Variants in PLP1 observed in about 807,000 individuals in gnomAD.
PLP1 encodes the protein proteolipid protein 1.
Under a neutral mutation model 18.5 loss-of-function variants are expected in PLP1, and 2 were observed. The observed-to-expected ratio is 0.11, with a 90% CI of 0.04 to 0.34. The LOEUF (loss-of-function observed/expected upper bound fraction) is 0.34, where lower values mean the gene tolerates loss of function less well. Ranked by LOEUF, PLP1 falls within the 10% of genes least tolerant of loss-of-function variation. PLP1 has a pLI of 1.00. For missense variants in PLP1, 105 were observed against 207.3 expected (o/e 0.51, Z 3.03); for synonymous variants, 86 against 83.2 (o/e 1.03, Z -0.19).
chrX:103,779,704 A>G (rs916625375), intron 1 of PLP1: 1 of 111,915 alleles, frequency 8.9e-6, no homozygotes, highest in African/African-American at 3.3e-5. Context: ...GACAACTGGA[A>G]CTGCTCTCTC....
At chrX:103,788,042 A>G (rs2074513476) in intron 4 of PLP1, 76 bp downstream of exon 4, 7 of 826,964 alleles carry the variant, frequency 8.5e-6, no homozygotes, top group Non-Finnish European at 1.3e-5. Context: ...TTCTTAGTGT[A>G]AGGAGGGTGG....
At chrX:103,783,463 C>T (rs1038999001) in intron 1 of PLP1, among the ~76,000 whole-genome samples, 5 of 112,159 alleles carry the variant, frequency 4.5e-5, no homozygotes, top group Non-Finnish European at 7.5e-5. Context: ...GCTTCTGAGG[C>T]TCATCTTTGG....
chrX:103,783,502 G>T (rs1043154005), intron 1 of PLP1, among the ~76,000 whole-genome samples: 1 of 112,431 alleles, frequency 8.9e-6, no homozygotes, highest in Non-Finnish European at 1.9e-5. Context: ...CCAAGAAAGG[G>T]CTGTCATTTC....
In PLP1 at chrX:103,784,969, C is replaced by T. The variant is rs2074482331; in HGVS notation, c.5-613C>T. On this transcript the variant is annotated intron_variant, in intron 1 of 6. Coordinates refer to ENST00000621218, the MANE Select transcript of PLP1 (RefSeq NM_000533.5). ...GACTAGAACAATAAGAAAGAAGGGA[C>T]TGATTTCATAATCTCTCTGGCTTGC... is the stretch of plus-strand genomic sequence containing the variant. 3.6e-5 allele frequency among the ~76,000 whole-genome samples: 4 copies of T among 112,286 alleles called. No homozygotes were observed. In the South Asian group the frequency reaches 1.1e-3, roughly 31 times the overall value.
At chrX:103,785,978 C>A in intron 2 of PLP1, 1 of 434,052 alleles carries the variant, frequency 2.3e-6, no homozygotes, top group Non-Finnish European at 4.0e-6. Context: ...GTCAGCCCCT[C>A]CCACCCCCGC....
rs17003883 is a variant in PLP1 at position 103,781,155 on chromosome X, T to C, written c.4+4156T>C. On this transcript the variant is annotated intron_variant, in intron 1 of 6. Coordinates refer to ENST00000621218, the MANE Select transcript of PLP1 (RefSeq NM_000533.5). ...CCCTTCCTCTCCTTCCTTTGATGAGTTCCCAGATTCACACTGAATTTCCAT... is the reference window on the plus strand; with the variant it reads ...CCCTTCCTCTCCTTCCTTTGATGAGCTCCCAGATTCACACTGAATTTCCAT... 1,556 of 242,984 alleles carry C rather than the reference T, an allele frequency of 6.4e-3. 30 individuals carry two copies. The highest frequency in any genetic ancestry group is 0.042 in the African/African-American group (1,467 of 35,138). 20.0% of individuals were successfully genotyped at this position (242,984 alleles called of 1,213,427 possible).
At chrX:103,788,736 C>T (rs1834675876) in intron 5 of PLP1, 1 of 418,518 alleles carries the variant, frequency 2.4e-6, no homozygotes, top group Non-Finnish European at 4.2e-6. Context: ...CAACCCTTCC[C>T]CTCTTAAAAG....
chrX:103,781,201 C>A (rs182240913), intron 1 of PLP1: 6 of 261,315 alleles, frequency 2.3e-5, no homozygotes, highest in Non-Finnish European at 4.6e-5. Context: ...GTCCTTGAGG[C>A]GGGCCCAGGG....
rs751404730 is a variant in PLP1, at chrX:103,786,558, C to T, written c.285C>T (p.Gly95=). Reference sequence around the variant, plus strand: ...TGGCTGAGGGCTTCTACACCACCGGCGCAGTCAGGCAGATCTTTGGCGACT... The same window carrying T: ...TGGCTGAGGGCTTCTACACCACCGGTGCAGTCAGGCAGATCTTTGGCGACT... The part of the protein sequence containing the change: ...LLLAEGFYTT[G]AVRQIFGDYK... The change falls in exon 3 of 7, where the codon GGC becomes GGT. Residue 95 remains glycine, a synonymous_variant. Coordinates refer to ENST00000621218, the MANE Select transcript of PLP1 (RefSeq NM_000533.5). 4.1e-6 allele frequency: 5 copies of T among 1,211,396 alleles called. No homozygotes were observed. Among genetic ancestry groups the T allele is most frequent in the Admixed American group, 2.2e-5 (1 of 46,005 alleles).
In PLP1 at chrX:103,791,935, T is replaced by C. The variant is rs777974518; in HGVS notation, c.*1337T>C. The C allele has an allele frequency of 1.8e-5, 2 of 112,314 alleles. No homozygotes were observed. Among genetic ancestry groups the C allele is most frequent in the Admixed American group, 9.4e-5 (1 of 10,606 alleles). 9.3% of individuals were successfully genotyped at this position (112,314 alleles called of 1,213,427 possible). Reference sequence around the variant, plus strand: ...AATGATTTTACTTAGCAATGTTATCTTGGTGTGTTAAGAGTTAGGTTTAAC... The same window carrying C: ...AATGATTTTACTTAGCAATGTTATCCTGGTGTGTTAAGAGTTAGGTTTAAC... On this transcript the variant is annotated 3_prime_UTR_variant, in exon 7 of 7. Transcript: ENST00000621218.
intron 3 of PLP1, chrX:103,787,473 A>G (rs2074506721): frequency 2.9e-6 from 1 of 348,969 alleles, no homozygotes; most frequent in Non-Finnish European, 5.1e-6. Context: ...AAGGCACAAA[A>G]TGGCACGACT....
Position 103,791,245 on chromosome X carries a change from C to T in PLP1, c.*647C>T, listed in dbSNP as rs1268691086. ...CTACTGAAGCCCTAACTCAGCCAAC[C>T]TTACTTACAGCATAAGGGAGCGTAG... On this transcript the variant is annotated 3_prime_UTR_variant, in exon 7 of 7. Coordinates refer to ENST00000621218, the MANE Select transcript of PLP1 (RefSeq NM_000533.5). 2 of 115,185 alleles carry T rather than the reference C, an allele frequency of 1.7e-5. No individual in the cohort carries two copies. Among genetic ancestry groups the T allele is most frequent in the Non-Finnish European group, 3.6e-5 (2 of 54,963 alleles). 9.5% of individuals were successfully genotyped at this position (115,185 alleles called of 1,213,427 possible).
In PLP1 at chrX:103,790,629, G is replaced by A. The variant is rs957192509; in HGVS notation, c.*31G>A. 16 of 1,074,066 alleles carry A rather than the reference G, an allele frequency of 1.5e-5. No homozygotes were observed. The highest frequency in any genetic ancestry group is 1.9e-5 in the South Asian group (1 of 53,986). 88.5% of individuals were successfully genotyped at this position (1,074,066 alleles called of 1,213,427 possible). On this transcript the variant is annotated 3_prime_UTR_variant, in exon 7 of 7. Coordinates refer to ENST00000621218, the MANE Select transcript of PLP1 (RefSeq NM_000533.5). ...CGTAGAAATCCCCCTTTCTCTAATA[G>A]CGAGGCTCTAACCACACAGCCTACA...
At chrX:103,786,096 C>G (rs2074494111) in intron 2 of PLP1, 1 of 1,068,757 alleles carries the variant, frequency 9.4e-7, no homozygotes, top group Non-Finnish European at 1.2e-6. Context: ...AGGCACTAAG[C>G]CTCTCCTGTT....
chrX:103,789,127 G>T (rs996306541), intron 5 of PLP1: 4 of 468,597 alleles, frequency 8.5e-6, no homozygotes, highest in Non-Finnish European at 1.5e-5. Flanking sequence ...TGACTATTCT[G>T]TGATCTGGGT....
chrX:103,786,774 T>C, intron 3 of PLP1, 48 bp downstream of exon 3: 3 of 1,181,568 alleles, frequency 2.5e-6, no homozygotes, highest in Middle Eastern at 2.4e-4. Context: ...TGGGGGAAAA[T>C]TGGGCGCGAG....
At chrX:103,782,049 G>T (rs1415639970) in intron 1 of PLP1, among the ~76,000 whole-genome samples, 1 of 112,447 alleles carries the variant, frequency 8.9e-6, no homozygotes, top group East Asian at 2.8e-4. Context: ...TGCTTTGATT[G>T]TCAACTACTT....
intron 1 of PLP1, chrX:103,779,925 C>A (rs1214597639): frequency 8.9e-6 from 1 of 112,597 alleles, no homozygotes; most frequent in Non-Finnish European, 1.9e-5. Flanking sequence ...CTGCCCACAG[C>A]ACTTCAGGTC....
chrX:103,786,392 C>T (rs1434381548), intron 2 of PLP1, 73 bp from the exon 3 acceptor site: 2 of 1,124,787 alleles, frequency 1.8e-6, no homozygotes, highest in African/African-American at 1.8e-5. Flanking sequence ...GTATACCTCA[C>T]TTATGTCGGG....
Sources: gnomAD v4.1 joint callset for allele counts (sites outside exome capture counted in the v4.1 genomes callset) on GRCh38, gnomAD v4.1.1 for gene constraint, MANE v1.5 for transcripts, NCBI Gene and HGNC (gene_info 2026-07-23, HGNC 2026-07-21) for gene names.